CLASP2: variants seen among roughly 807,000 people sequenced by gnomAD.
The protein encoded by CLASP2 is cytoplasmic linker associated protein 2.
Under a neutral mutation model 194.4 loss-of-function variants are expected in CLASP2, and 47 were observed. The ratio of observed to expected loss-of-function variants is 0.24; its 90% CI spans 0.19 to 0.31. CLASP2 has a LOEUF of 0.31. Among genes scored for constraint, CLASP2 ranks in the 10% least tolerant of loss-of-function variants. The pLI is 1.00. For missense variants in CLASP2, 1,445 were observed against 1,823.6 expected (o/e 0.79, Z 3.78); for synonymous variants, 619 against 633.5 (o/e 0.98, Z 0.34).
chr3:33,641,667 T>C (rs1043989680), intron 8 of CLASP2, among the ~76,000 whole-genome samples: 5 of 151,966 alleles, frequency 3.3e-5, no homozygotes, highest in East Asian at 1.9e-4. Context: ...ACAGCCCTAA[T>C]CTGGATATAT....
chr3:33,616,896 C>T (rs1419328691), intron 12 of CLASP2, among the ~76,000 whole-genome samples: 1 of 151,594 alleles, frequency 6.6e-6, no homozygotes, highest in East Asian at 1.9e-4. Context: ...CACCATCACG[C>T]CCAGCTAATT....
chr3:33,593,779 G>C (rs1474648111), intron 20 of CLASP2, among the ~76,000 whole-genome samples: 3 of 152,182 alleles, frequency 2.0e-5, no homozygotes, highest in Admixed American at 2.0e-4. Context: ...AGAAATGAGA[G>C]TATGTTAAGT....
chr3:33,717,675 T>C (rs1437685475), intron 1 of CLASP2, 133 bp downstream of exon 1: 18 of 953,484 alleles, frequency 1.9e-5, no homozygotes, highest in Non-Finnish European at 3.1e-6. Context: ...TCCGCCCGCC[T>C]GTGCTTCCCA....
At chr3:33,620,559 G>A (rs1021606039) in intron 11 of CLASP2, among the ~76,000 whole-genome samples, 1 of 152,174 alleles carries the variant, frequency 6.6e-6, no homozygotes. Flanking sequence ...GTTTTCCAAT[G>A]TCTGAACTCA....
chr3:33,672,910 T>C (rs938195518), intron 6 of CLASP2, among the ~76,000 whole-genome samples: 1 of 151,950 alleles, frequency 6.6e-6, no homozygotes, highest in Non-Finnish European at 1.5e-5. Context: ...TAAAAAGAAA[T>C]GAACAAAGCC....
chr3:33,644,584 A>C, intron 8 of CLASP2, 173 bp downstream of exon 8: 1 of 702,530 alleles, frequency 1.4e-6, no homozygotes. Context: ...AGCAGTATAC[A>C]ATATTTTATA....
At chr3:33,659,466 T>C (rs1164459032) in intron 7 of CLASP2, 5 of 939,372 alleles carry the variant, frequency 5.3e-6, no homozygotes, top group Non-Finnish European at 6.4e-6. Flanking sequence ...GATTAACTGA[T>C]TTGCGCCTTT....
intron 33 of CLASP2, among the ~76,000 whole-genome samples, chr3:33,536,787 C>T (rs1334298727): frequency 6.6e-6 from 1 of 152,176 alleles, no homozygotes; most frequent in African/African-American, 2.4e-5. Context: ...ATTCTGGATA[C>T]ATTCTGCAGT....
At chr3:33,706,797 AG>A (rs1017018397) in intron 1 of CLASP2, among the ~76,000 whole-genome samples, 3 of 151,962 alleles carry the variant, frequency 2.0e-5, no homozygotes, top group African/African-American at 7.3e-5. Context: ...CCCTATCTCT[AG>A]AAAAAAAAAT....
chr3:33,534,006 C>A (rs1462999103), intron 34 of CLASP2, among the ~76,000 whole-genome samples: 1 of 152,066 alleles, frequency 6.6e-6, no homozygotes, highest in Non-Finnish European at 1.5e-5. Context: ...TGAGCCACTG[C>A]GCCTGGCCAC....
At chr3:33,541,324 T>C (rs2058323521) in intron 32 of CLASP2, among the ~76,000 whole-genome samples, 1 of 152,098 alleles carries the variant, frequency 6.6e-6, no homozygotes, top group Admixed American at 6.5e-5. Context: ...CCCAACTCCT[T>C]CTTAAAAAAA....
At chr3:33,668,486 T>C (rs2086587856) in intron 6 of CLASP2, among the ~76,000 whole-genome samples, 1 of 152,282 alleles carries the variant, frequency 6.6e-6, no homozygotes, top group South Asian at 2.1e-4. Context: ...GAATGTAATA[T>C]TCAGTATAAA....
rs1429946321 is a variant in CLASP2 at position 33,584,797 on chromosome 3, C to G, written c.2192G>C (p.Arg731Pro). Residue 731 changes from arginine to proline, a missense_variant, in exon 22 of 39, where the codon CGG (arginine) becomes CCG (proline). By Grantham distance (103) the Arg-to-Pro change is moderately radical. Coordinates refer to ENST00000682230, the MANE Select transcript of CLASP2 (RefSeq NM_001365631.1). ...AGCCTCTCTGCTACAGCCCTGGCTC[C>G]GTGGTATCTTGCTTCTTTTTTGTGC... The part of the protein sequence containing the change: ...ASAQKRSKIP[R>P]SQGCSREASP... The G allele has an allele frequency of 3.1e-6, 5 of 1,613,432 alleles. No individual in the cohort carries two copies. In the East Asian group the frequency reaches 1.1e-4, roughly 36 times the overall value.
chr3:33,519,284 G>A (rs1266872655), intron 34 of CLASP2, among the ~76,000 whole-genome samples: 5 of 152,094 alleles, frequency 3.3e-5, no homozygotes, highest in Admixed American at 3.3e-4. Flanking sequence ...GAATATTATA[G>A]TTCCTAGTAA....
At chr3:33,702,917 G>A (rs1392873209) in intron 1 of CLASP2, among the ~76,000 whole-genome samples, 1 of 152,112 alleles carries the variant, frequency 6.6e-6, no homozygotes, top group East Asian at 1.9e-4. Context: ...AGATCCACAT[G>A]CAAAACATTA....
chr3:33,547,279 T>G (rs951893668), intron 30 of CLASP2, among the ~76,000 whole-genome samples: 1 of 152,202 alleles, frequency 6.6e-6, no homozygotes, highest in African/African-American at 2.4e-5. Flanking sequence ...TCTGATGATT[T>G]GATAAGGGGA....
intron 7 of CLASP2, among the ~76,000 whole-genome samples, chr3:33,661,658 T>C (rs1348869241): frequency 3.3e-5 from 5 of 152,162 alleles, no homozygotes; most frequent in African/African-American, 1.2e-4. Context: ...CATAGGAAGC[T>C]TGAAATGCCT....
intron 6 of CLASP2, among the ~76,000 whole-genome samples, chr3:33,672,530 C>T (rs2087529341): frequency 6.6e-6 from 1 of 152,194 alleles, no homozygotes; most frequent in Non-Finnish European, 1.5e-5. Flanking sequence ...CTCTAAAAAG[C>T]AGAGCACCTC....
In CLASP2 at chr3:33,519,392, A is replaced by G. The variant is rs192810320; in HGVS notation, c.3788-2218T>C. On this transcript the variant is annotated intron_variant, in intron 34 of 38. Coordinates refer to ENST00000682230, the MANE Select transcript of CLASP2 (RefSeq NM_001365631.1). The stretch of plus-strand genomic sequence containing the variant: ...TGGGCAGAAACACTGGGTGAGAGAC[A>G]TAATCAATAGGTATCAGATATTGAA... Among the ~76,000 whole-genome samples, 269 of 152,320 alleles carry G rather than the reference A, an allele frequency of 1.8e-3. 1 individual carries two copies. The highest frequency in any genetic ancestry group is 6.0e-3 in the African/African-American group (248 of 41,568).
Sources: gnomAD v4.1 joint callset for allele counts (sites outside exome capture counted in the v4.1 genomes callset) on GRCh38, gnomAD v4.1.1 for gene constraint, MANE v1.5 for transcripts, NCBI Gene and HGNC (gene_info 2026-07-23, HGNC 2026-07-21) for gene names.